The following XRRA1 variants were observed in gnomAD, a reference collection of about 807,000 sequenced individuals.
The protein encoded by XRRA1 is X-ray radiation resistance associated 1.
Under a neutral mutation model 80.2 loss-of-function variants are expected in XRRA1, and 69 were observed. The observed-to-expected ratio is 0.86, with a 90% confidence interval of 0.71 to 1.05. The LOEUF (loss-of-function observed/expected upper bound fraction) is 1.05, where lower values mean the gene tolerates loss of function less well. Ranked by LOEUF, XRRA1 falls within the 50% of genes least tolerant of loss-of-function variation. XRRA1 has a pLI of 0.00. For synonymous variants in XRRA1, 348 were observed against 389.9 expected, an observed-to-expected ratio of 0.89 and a Z score of 1.27; for missense variants, 967 against 976.4, an observed-to-expected ratio of 0.99 and a Z score of 0.13.
chr11:74,869,708 C>T (rs1031278990), intron 10 of XRRA1, among the ~76,000 whole-genome samples: 1 of 152,072 alleles, frequency 6.6e-6, no homozygotes, highest in Non-Finnish European at 1.5e-5. Context: ...ATGAGTTTTT[C>T]ATACCCTATG....
intron 2 of XRRA1, among the ~76,000 whole-genome samples, 187 bp downstream of exon 2, chr11:74,944,831 C>G (rs575747120): frequency 6.6e-6 from 1 of 152,204 alleles, no homozygotes; most frequent in African/African-American, 2.4e-5. Context: ...CAGGAACTCT[C>G]TCTCATGACC....
Position 74,907,256 on chromosome 11 carries a change from G to A in XRRA1, c.674C>T (p.Ser225Leu), listed in dbSNP as rs148891580. 301 of 1,613,884 alleles carry A rather than the reference G, an allele frequency of 1.9e-4. No homozygotes were observed. In the African/African-American group the frequency reaches 3.1e-3, roughly 17 times the overall value. ...CAGGATGTACCTCTTGCTTGTCAGC[G>A]ATGTTACAGATGCCTCCCTGTGAGT... ...AVAEQEASVT[S>L]LTSKRYILRF... Residue 225 changes from serine (S) to leucine (L), a missense_variant, in exon 9 of 19, where the codon TCG becomes TTG. Ser to Leu is a moderately radical substitution (Grantham distance 145). Transcript: ENST00000684022.
At chr11:74,947,264 G>A (rs2049604798) in intron 1 of XRRA1, among the ~76,000 whole-genome samples, 1 of 152,056 alleles carries the variant, frequency 6.6e-6, no homozygotes, top group African/African-American at 2.4e-5. Context: ...GGTGGTTCAT[G>A]CCTGTAATCC....
chr11:74,941,477 G>A (rs1008116157), intron 2 of XRRA1, among the ~76,000 whole-genome samples: 3 of 152,192 alleles, frequency 2.0e-5, no homozygotes, highest in African/African-American at 4.8e-5. Flanking sequence ...GAGGGCAGCT[G>A]TGCACAGTAA....
intron 14 of XRRA1, among the ~76,000 whole-genome samples, chr11:74,848,819 T>TA (rs1488555760): frequency 5.9e-5 from 9 of 152,196 alleles, no homozygotes; most frequent in African/African-American, 1.9e-4. Context: ...TCCCTGACCA[T>TA]ACGTACTCTG....
In XRRA1 at chr11:74,939,449, C is replaced by A. The variant is rs11601813; in HGVS notation, c.94+1336G>T. Among the ~76,000 whole-genome samples the A allele has an allele frequency of 8.5e-5, 13 of 152,314 alleles. No homozygotes were observed. In the South Asian group the frequency reaches 2.7e-3, roughly 32 times the overall value. On this transcript the variant is annotated intron_variant, in intron 3 of 18. Coordinates refer to ENST00000684022, the MANE Select transcript of XRRA1 (RefSeq NM_001378157.1). ...TCATTTATTATTCCATGGTTTACAA[C>A]CCAATTCCGCCATTATTTATTTCAT...
Position 74,843,330 on chromosome 11 carries a change from G to C in XRRA1, c.2273C>G (p.Thr758Arg), listed in dbSNP as rs1486921736. The change falls in exon 19 of 19, where the codon ACA becomes AGA. Residue 758 changes from threonine to arginine, a missense_variant. Coordinates refer to ENST00000684022, the MANE Select transcript of XRRA1 (RefSeq NM_001378157.1). ...YRQLVSGSLR[T>R]VFGTTPLPMA... ...GGGGAGCGGGGTAGTCCCGAACACT[G>C]TGCGCAGAGAGCCACTCACCAGCTG... is the stretch of plus-strand genomic sequence containing the variant. 6.2e-7 allele frequency: 1 copy of C among 1,608,720 alleles called. No individual in the cohort carries two copies. The highest frequency in any genetic ancestry group is 8.5e-7 in the Non-Finnish European group (1 of 1,177,746).
chr11:74,930,328 G>A lies in XRRA1; in HGVS notation c.396C>T (p.Ile132=), dbSNP rs568647618. The change falls in exon 6 of 19, where the codon ATC becomes ATT. Residue 132 remains isoleucine (I), a synonymous_variant. Transcript: ENST00000684022. ...GAGGCAGCAGGTTTTCTGAGGCATT[G>A]ATATAAATCACAGAATGAAAATGCT... ...DFKHFHSVIY[I]NASENLLPLE... is the part of the protein sequence containing the mutation. 3 of 1,570,706 alleles carry A rather than the reference G, an allele frequency of 1.9e-6. No individual in the cohort carries two copies. In the East Asian group the frequency reaches 6.9e-5, roughly 36 times the overall value.
At chr11:74,925,182 G>A (rs1941925891) in intron 7 of XRRA1, among the ~76,000 whole-genome samples, 1 of 152,234 alleles carries the variant, frequency 6.6e-6, no homozygotes, top group African/African-American at 2.4e-5. Flanking sequence ...GAGAGGGTAC[G>A]TTGTTTGGCC....
At chr11:74,896,562 A>G (rs1467453259) in intron 10 of XRRA1, among the ~76,000 whole-genome samples, 3 of 152,200 alleles carry the variant, frequency 2.0e-5, no homozygotes, top group African/African-American at 7.2e-5. Flanking sequence ...GCTCCCAGAC[A>G]GCATCTCTGG....
chr11:74,899,380 A>T (rs1353999276), intron 10 of XRRA1, among the ~76,000 whole-genome samples: 1 of 152,154 alleles, frequency 6.6e-6, no homozygotes, highest in Non-Finnish European at 1.5e-5. Flanking sequence ...CCAAACCCAA[A>T]AGTAGTAGAA....
In XRRA1 at chr11:74,848,289, C is replaced by T. The variant is rs1821290938; in HGVS notation, c.1554G>A (p.Leu518=). ...SVESEMPTEN[L]EGHSPSCRTF... is the part of the protein sequence containing the mutation. ...TCCGGCAAGACGGGGAATGGCCTTC[C>T]AGGTTCTCAGTGGGCATCTCTGACT... The change falls in exon 15 of 19, where the codon CTG becomes CTA. Residue 518 remains leucine, a synonymous_variant. Coordinates refer to ENST00000684022, the MANE Select transcript of XRRA1 (RefSeq NM_001378157.1). 1.2e-6 allele frequency: 2 copies of T among 1,613,896 alleles called. No homozygotes were observed. The highest frequency in any genetic ancestry group is 2.2e-5 in the East Asian group (1 of 44,882).
At chr11:74,923,515 A>G (rs1239309711) in intron 7 of XRRA1, among the ~76,000 whole-genome samples, 1 of 152,226 alleles carries the variant, frequency 6.6e-6, no homozygotes, top group Non-Finnish European at 1.5e-5. Flanking sequence ...TATGGATTCT[A>G]TCTACCTCCT....
At chr11:74,947,630 T>G (rs1192327040) in intron 1 of XRRA1, among the ~76,000 whole-genome samples, 1 of 152,214 alleles carries the variant, frequency 6.6e-6, no homozygotes, top group East Asian at 1.9e-4. Context: ...TTGTAAAAGA[T>G]AAACTGCAAC....
chr11:74,841,522 T>A lies in XRRA1; in HGVS notation c.*1678A>T, dbSNP rs1162360972. The A allele has an allele frequency of 6.6e-6, 1 of 152,166 alleles. No individual in the cohort carries two copies. The highest frequency in any genetic ancestry group is 1.5e-5 in the Non-Finnish European group (1 of 68,032). The allele number at this position is 152,166 out of a possible 1,614,324, so 9.4% of individuals were successfully genotyped here. Reference sequence around the variant, plus strand: ...CAGATTGTTCTATGTATTATCAGTATTTTTTTCCTCTTAAGAAAAAAATTT... The same window carrying A: ...CAGATTGTTCTATGTATTATCAGTAATTTTTTCCTCTTAAGAAAAAAATTT... On this transcript the variant is annotated 3_prime_UTR_variant, in exon 19 of 19. Coordinates refer to ENST00000684022, the MANE Select transcript of XRRA1 (RefSeq NM_001378157.1).
At chr11:74,865,363 T>C (rs186264162) in intron 10 of XRRA1, among the ~76,000 whole-genome samples, 6 of 152,306 alleles carry the variant, frequency 3.9e-5, no homozygotes, top group Admixed American at 2.0e-4. Flanking sequence ...TGCTAGGCAA[T>C]GTGCACCTCC....
At chr11:74,873,490 C>T (rs1224408360) in intron 10 of XRRA1, among the ~76,000 whole-genome samples, 5 of 152,292 alleles carry the variant, frequency 3.3e-5, no homozygotes, top group Admixed American at 6.5e-5. Context: ...TGTTTGCCTT[C>T]GAAGATCCCT....
At chr11:74,877,213 C>T (rs1391629250) in intron 10 of XRRA1, among the ~76,000 whole-genome samples, 1 of 152,194 alleles carries the variant, frequency 6.6e-6, no homozygotes, top group Non-Finnish European at 1.5e-5. Flanking sequence ...TAATGTGTTC[C>T]TCCCAATCAC....
chr11:74,903,560 G>A (rs557483), intron 10 of XRRA1, among the ~76,000 whole-genome samples: 57,848 of 151,934 alleles, frequency 0.38, 12,371 homozygotes, highest in Middle Eastern at 0.5. Flanking sequence ...AAAATTAGCC[G>A]GGCATGGTGG....
Sources: allele counts gnomAD v4.1 joint callset (sites outside exome capture counted in the v4.1 genomes callset), GRCh38; gene constraint gnomAD v4.1.1; transcripts MANE v1.5; gene names NCBI Gene and HGNC (gene_info 2026-07-23, HGNC 2026-07-21).